ZMYND8: variants seen among roughly 807,000 people sequenced by gnomAD.
ZMYND8 encodes MYND-type zinc finger-containing chromatin reader ZMYND8.
A neutral mutation model predicts 140.8 loss-of-function variants in ZMYND8; 37 were observed. The ratio of observed to expected loss-of-function variants is 0.26; its 90% CI spans 0.20 to 0.35. ZMYND8 has a LOEUF of 0.35. Among genes scored for constraint, ZMYND8 ranks in the 10% least tolerant of loss-of-function variants. The pLI is 1.00. For synonymous variants in ZMYND8, 592 were observed against 597.1 expected (o/e 0.99, Z 0.12); for missense variants, 1,068 against 1,570.0 (o/e 0.68, Z 5.40).
Position 47,221,405 on chromosome 20 carries a change from C to T in ZMYND8, c.3326G>A (p.Ser1109Asn). 1 of 1,614,204 alleles carries T rather than the reference C, an allele frequency of 6.2e-7. No individual in the cohort carries two copies. The highest frequency in any genetic ancestry group is 8.5e-7 in the Non-Finnish European group (1 of 1,180,038). Residue 1109 changes from serine (S) to asparagine (N), a missense_variant, in exon 20 of 23, where the codon AGC becomes AAC. Around this residue, in one of 10 missense-constraint regions of ZMYND8, gnomAD observed 180 missense variants for 187.8 expected, o/e 0.96. Transcript: ENST00000471951. The stretch of plus-strand genomic sequence containing the variant: ...AGGTGCTGATTGTGTGCTCGAGGAG[C>T]TCCCCTGGGAGGACTTATTTAGTGT... The part of the protein sequence containing the change: ...TETLNKSSQG[S>N]SSSTQSAPSE...
chr20:47,241,643 G>A (rs912109942), intron 14 of ZMYND8, among the ~76,000 whole-genome samples: 13 of 152,136 alleles, frequency 8.5e-5, no homozygotes, highest in Non-Finnish European at 1.6e-4. Flanking sequence ...ATTTGTAAAG[G>A]TGGCTCAGTT....
At chr20:47,240,682 C>T (rs1309105781) in intron 14 of ZMYND8, among the ~76,000 whole-genome samples, 1 of 151,282 alleles carries the variant, frequency 6.6e-6, no homozygotes, top group Non-Finnish European at 1.5e-5. Flanking sequence ...AGCCTCCCGA[C>T]TACGTGGGAT....
At chr20:47,349,061 A>G (rs1170491242) in intron 1 of ZMYND8, 1 of 152,204 alleles carries the variant, frequency 6.6e-6, no homozygotes, top group African/African-American at 2.4e-5. Flanking sequence ...TGGGGAAGAG[A>G]GAATGTTCCG....
intron 12 of ZMYND8, among the ~76,000 whole-genome samples, chr20:47,251,481 G>T (rs1241432056): frequency 6.6e-6 from 1 of 151,958 alleles, no homozygotes. Flanking sequence ...TAGCTACTTG[G>T]GAGGCCGAAG....
At chr20:47,280,791 C>CCTA (rs1391061984) in intron 10 of ZMYND8, among the ~76,000 whole-genome samples, 1 of 152,162 alleles carries the variant, frequency 6.6e-6, no homozygotes, top group Non-Finnish European at 1.5e-5. Context: ...CAAACTCCTG[C>CCTA]CTACCCCTCT....
intron 7 of ZMYND8, among the ~76,000 whole-genome samples, 164 bp from the exon 8 acceptor site, chr20:47,287,448 G>A (rs910221040): frequency 6.6e-6 from 1 of 152,190 alleles, no homozygotes; most frequent in East Asian, 1.9e-4. Flanking sequence ...TTCACATTAT[G>A]TGATTCCTCC....
At chr20:47,276,279 G>C (rs1188278704) in intron 11 of ZMYND8, 35 bp downstream of exon 11, 1 of 1,497,274 alleles carries the variant, frequency 6.7e-7, no homozygotes, top group Admixed American at 2.2e-5. Flanking sequence ...CCGTGTCCAA[G>C]GGGCCTCCTC....
chr20:47,218,116 T>C (rs754756990), intron 21 of ZMYND8, among the ~76,000 whole-genome samples: 6 of 152,210 alleles, frequency 3.9e-5, no homozygotes, highest in Non-Finnish European at 8.8e-5. Flanking sequence ...CCTAAAATAC[T>C]TACTAAATGG....
chr20:47,221,365 G>T lies in ZMYND8; in HGVS notation c.3366C>A (p.Ser1122Arg). 6.2e-7 allele frequency: 1 copy of T among 1,614,158 alleles called. No homozygotes were observed. Among genetic ancestry groups the T allele is most frequent in the South Asian group, 1.1e-5 (1 of 91,076 alleles). The stretch of plus-strand genomic sequence containing the variant: ...CTGACGTCTCCTTCTCTTTGGAGGC[G>T]CTGGCCGTTTCTGAAGGTGCTGATT... ...STQSAPSETA[S>R]ASKEKETSAE... Residue 1122 changes from serine to arginine, a missense_variant, in exon 20 of 23, where the codon AGC becomes AGA. Physicochemically the swap from Ser to Arg is moderately radical, Grantham distance 110. Coordinates refer to ENST00000471951, the MANE Select transcript of ZMYND8 (RefSeq NM_001281775.3).
At chr20:47,273,533 A>G (rs2076084253) in intron 11 of ZMYND8, among the ~76,000 whole-genome samples, 2 of 152,184 alleles carry the variant, frequency 1.3e-5, no homozygotes, top group Non-Finnish European at 2.9e-5. Flanking sequence ...GCAACAGAGC[A>G]AGACTTCATC....
At chr20:47,354,945 T>G (rs190135815) in intron 1 of ZMYND8, among the ~76,000 whole-genome samples, 11 of 152,286 alleles carry the variant, frequency 7.2e-5, no homozygotes, top group Admixed American at 3.9e-4. Context: ...TGTTGGTCAG[T>G]GAGTCCTGAA....
At chr20:47,262,500 G>C in intron 11 of ZMYND8, 72 bp from the exon 12 acceptor site, 2 of 1,566,584 alleles carry the variant, frequency 1.3e-6, no homozygotes, top group Non-Finnish European at 8.7e-7. Flanking sequence ...GTGGTGTAGG[G>C]AGAGAATGGA....
chr20:47,229,567 GA>G (rs1339071694), intron 17 of ZMYND8, among the ~76,000 whole-genome samples, 158 bp downstream of exon 17: 1 of 152,046 alleles, frequency 6.6e-6, no homozygotes, highest in Non-Finnish European at 1.5e-5. Flanking sequence ...CTGGCTAAAG[GA>G]AAAAATACCC....
At chr20:47,299,799 G>T (rs2077889406) in intron 3 of ZMYND8, among the ~76,000 whole-genome samples, 1 of 152,100 alleles carries the variant, frequency 6.6e-6, no homozygotes, top group East Asian at 1.9e-4. Context: ...AGCCAGGCTG[G>T]TCTCAATCTC....
At chr20:47,289,795 C>G (rs1283500118) in intron 7 of ZMYND8, among the ~76,000 whole-genome samples, 1 of 152,172 alleles carries the variant, frequency 6.6e-6, no homozygotes, top group Non-Finnish European at 1.5e-5. Context: ...GAAAGTGGTT[C>G]CTGTTGAGAG....
Position 47,298,538 on chromosome 20 carries a change from T to C in ZMYND8, c.453+191A>G, listed in dbSNP as rs1474269806. ...AGAAATAATATTCCGTGCAATTGTC[T>C]TTCCAAGAGCTGCAGTACTGCAGCC... On this transcript the variant is annotated intron_variant, in intron 4 of 22. Coordinates refer to ENST00000471951, the MANE Select transcript of ZMYND8 (RefSeq NM_001281775.3). This position sits in a 1 kb window ranked among gnomAD's most constrained non-coding sequence, Gnocchi z 5.0. 3.0e-6 allele frequency: 3 copies of C among 985,346 alleles called. No homozygotes were observed. Among genetic ancestry groups the C allele is most frequent in the Non-Finnish European group, 3.6e-6 (3 of 829,952 alleles). 61.0% of individuals were successfully genotyped at this position (985,346 alleles called of 1,614,324 possible). A position where few individuals can be genotyped will look rare whatever the true frequency, so the allele number is the denominator to read the frequency against.
chr20:47,322,936 C>G (rs1049153690), intron 2 of ZMYND8, among the ~76,000 whole-genome samples: 2 of 152,146 alleles, frequency 1.3e-5, no homozygotes, highest in Non-Finnish European at 2.9e-5. Context: ...GTCAACACAG[C>G]ATTGTCGTTC....
At chr20:47,243,677 T>C (rs1239659610) in intron 14 of ZMYND8, among the ~76,000 whole-genome samples, 3 of 152,236 alleles carry the variant, frequency 2.0e-5, no homozygotes, top group South Asian at 4.1e-4. Flanking sequence ...TTTATTTTCA[T>C]CTTGTTTCAT....
At chr20:47,285,537 G>A (rs2076869366) in intron 8 of ZMYND8, among the ~76,000 whole-genome samples, 1 of 152,160 alleles carries the variant, frequency 6.6e-6, no homozygotes, top group Non-Finnish European at 1.5e-5. Flanking sequence ...GGGCAGGGGG[G>A]CACATATTTA....
Sources: gnomAD v4.1 joint callset for allele counts (sites outside exome capture counted in the v4.1 genomes callset) on GRCh38, gnomAD v4.1.1 for gene constraint, gnomAD v4.1.1 regional missense constraint, Gnocchi (gnomAD v3.1) non-coding constraint, MANE v1.5 for transcripts, NCBI Gene and HGNC (gene_info 2026-07-23, HGNC 2026-07-21) for gene names.